Variants in HLA-DPA1 observed in about 807,000 individuals in gnomAD.
The protein encoded by HLA-DPA1 is major histocompatibility complex, class II, DP alpha 1, also known as HLA class II histocompatibility antigen, DP alpha 1 chain.
A neutral mutation model predicts 21.5 loss-of-function variants in HLA-DPA1; 20 were observed. The ratio of observed to expected loss-of-function variants is 0.93; its 90% CI spans 0.66 to 1.35. HLA-DPA1 has a LOEUF of 1.35. HLA-DPA1 is among the 40% of genes most tolerant of loss of function. The probability of loss-of-function intolerance (pLI) is 0.00; values close to 1 mark genes in which losing one functional copy is unlikely to be tolerated. For synonymous variants in HLA-DPA1, 123 were observed against 129.6 expected (o/e 0.95, Z 0.35); for missense variants, 279 against 323.0 (o/e 0.86, Z 1.05).
intron 1 of HLA-DPA1, among the ~76,000 whole-genome samples, chr6:33,079,254 T>C (rs1431403): frequency 0.37 from 55,818 of 152,158 alleles, 11,633 homozygotes; most frequent in East Asian, 0.69. Context: ...GGCCTGAAGA[T>C]ACTCAAACAG....
At position 33,080,519 on chromosome 6, in the gene HLA-DPA1, A is replaced by T; in HGVS notation, c.-100+161T>A. The stretch of plus-strand genomic sequence containing the variant: ...CCTGGAGAGGCTCTGCGACCCGCTT[A>T]GGACCACAGAACTCGGTACTAGGAA... On this transcript the variant is annotated intron_variant, in intron 1 of 5. Coordinates refer to ENST00000419277, the Ensembl canonical transcript of HLA-DPA1. This position sits in a 1 kb window ranked among gnomAD's most constrained non-coding sequence, Gnocchi z 4.3. The T allele has an allele frequency of 9.1e-7, 1 of 1,101,718 alleles. No homozygotes were observed. Among genetic ancestry groups the T allele is most frequent in the Non-Finnish European group, 1.4e-6 (1 of 737,562 alleles). 68.2% of individuals were successfully genotyped at this position (1,101,718 alleles called of 1,614,324 possible).
intron 1 of HLA-DPA1, among the ~76,000 whole-genome samples, chr6:33,078,644 T>C (rs1762679335): frequency 6.6e-6 from 1 of 152,100 alleles, no homozygotes; most frequent in Non-Finnish European, 1.5e-5. Flanking sequence ...AATGAAGGTT[T>C]CAAATTACAC....
At chr6:33,069,409 T>A in intron 3 of HLA-DPA1, 109 bp from the exon 3 acceptor site, 1 of 1,192,024 alleles carries the variant, frequency 8.4e-7, no homozygotes, top group Non-Finnish European at 1.2e-6. Context: ...TTATGGCAGC[T>A]CTGAATCACA....
chr6:33,075,681 C>T (rs963257003), intron 1 of HLA-DPA1, among the ~76,000 whole-genome samples: 1 of 152,074 alleles, frequency 6.6e-6, no homozygotes, highest in Non-Finnish European at 1.5e-5. Context: ...AATGATAATC[C>T]CTGTAGATGG....
chr6:33,078,062 C>T (rs2073523), intron 1 of HLA-DPA1, among the ~76,000 whole-genome samples: 16,911 of 151,920 alleles, frequency 0.11, 1,652 homozygotes, highest in East Asian at 0.58. Flanking sequence ...GGATGCAGCG[C>T]CCCCATCCCA....
intron 5 of HLA-DPA1, chr6:33,068,395 G>T: frequency 2.3e-6 from 1 of 433,894 alleles, no homozygotes; most frequent in Admixed American, 3.9e-5. Context: ...TCTCTCATGT[G>T]AAATAGTGAA....
At chr6:33,069,277 G>A (rs764514281) in exon 4 of HLA-DPA1, 29 of 1,612,804 alleles carry the variant, frequency 1.8e-5, no homozygotes, top group Non-Finnish European at 2.4e-5. Context: ...GGCTCCTTGG[G>A]AAACACGGTC....
chr6:33,070,367 C>A (rs67408707), intron 2 of HLA-DPA1, among the ~76,000 whole-genome samples: 1 of 151,792 alleles, frequency 6.6e-6, no homozygotes, highest in African/African-American at 2.4e-5. Flanking sequence ...CGGCTACTGG[C>A]GGAACTAGTA....
Position 33,066,688 on chromosome 6 carries a change from A to G in HLA-DPA1, c.*13-1341T>C, listed in dbSNP as rs1179700057. 3.3e-5 allele frequency: 5 copies of G among 152,350 alleles called. No individual in the cohort carries two copies. In the East Asian group the frequency reaches 9.6e-4, roughly 29 times the overall value. The allele number at this position is 152,350 out of a possible 1,614,324, so 9.4% of individuals were successfully genotyped here. ...CTAAAACTGACAAGGGACTACTAGC[A>G]GGACTATATAAGGATCACCTGCAAA... On this transcript the variant is annotated intron_variant, in intron 5 of 5. Transcript: ENST00000419277.
intron 5 of HLA-DPA1, chr6:33,068,041 G>A (rs1369408057): frequency 6.6e-6 from 1 of 152,196 alleles, no homozygotes; most frequent in Non-Finnish European, 1.5e-5. Context: ...TATAAAGCAT[G>A]GTGAGTGTTA....
intron 2 of HLA-DPA1, 132 bp downstream of exon 1, chr6:33,073,339 G>T: frequency 1.5e-6 from 1 of 657,426 alleles, no homozygotes; most frequent in Non-Finnish European, 2.7e-6. Flanking sequence ...TATTATGAGG[G>T]CCAGAGGGAA....
At position 33,080,231 on chromosome 6, in the gene HLA-DPA1, T is replaced by A. The variant is rs1762763085; in HGVS notation, c.-100+449A>T. 6.6e-6 allele frequency among the ~76,000 whole-genome samples: 1 copy of A among 151,572 alleles called. No individual in the cohort carries two copies. The highest frequency in any genetic ancestry group is 2.1e-4 in the South Asian group (1 of 4,802). ...GGAAGGGAGGGCTTCCTGGAGGAGG[T>A]GGCATTTGAACCAGGACTGACATCA... On this transcript the variant is annotated intron_variant, in intron 1 of 5. Transcript: ENST00000419277. This position sits in a 1 kb window ranked among gnomAD's most constrained non-coding sequence, Gnocchi z 4.3.
Position 33,068,631 on chromosome 6 carries a change from T to G in HLA-DPA1, c.*12+7A>C. 6.3e-7 allele frequency: 1 copy of G among 1,599,530 alleles called. No individual in the cohort carries two copies. The highest frequency in any genetic ancestry group is 8.5e-7 in the Non-Finnish European group (1 of 1,172,674). ...CAAATCCTAGGGCCTCCTCTTTACA[T>G]TCCCACCTTTACAGTATTTCACAGG... On this transcript the variant is annotated splice_region_variant and intron_variant, in intron 5 of 5. Transcript: ENST00000419277.
Position 33,069,306 on chromosome 6 carries a change from A to G in HLA-DPA1, c.347-6T>C. 4 of 1,609,834 alleles carry G rather than the reference A, an allele frequency of 2.5e-6. No homozygotes were observed. Among genetic ancestry groups the G allele is most frequent in the Non-Finnish European group, 3.4e-6 (4 of 1,178,304 alleles). Reference sequence around the variant, plus strand: ...CACGGTCACCTCAGGGGGATCTGGAAGGAGACAGCACCAGGTTAGGCCCCT... The same window carrying G: ...CACGGTCACCTCAGGGGGATCTGGAGGGAGACAGCACCAGGTTAGGCCCCT... On this transcript the variant is annotated splice_region_variant and splice_polypyrimidine_tract_variant and intron_variant, in intron 3 of 5. Transcript: ENST00000419277.
intron 2 of HLA-DPA1, 119 bp from the exon 2 acceptor site, chr6:33,070,005 G>A: frequency 2.3e-6 from 2 of 873,580 alleles, no homozygotes; most frequent in Admixed American, 2.3e-5. Context: ...AGAGGTCAAA[G>A]GAAGGACATA....
upstream of HLA-DPA1, chr6:33,080,716 G>A (rs1762799257): frequency 6.2e-7 from 1 of 1,613,458 alleles, no homozygotes. This position sits in a 1 kb window ranked among gnomAD's most constrained non-coding sequence, Gnocchi z 4.3. Context: ...CGCGTTTAAT[G>A]GGACACAGCG....
chr6:33,072,160 G>A (rs976045369), intron 2 of HLA-DPA1, among the ~76,000 whole-genome samples: 1 of 152,204 alleles, frequency 6.6e-6, no homozygotes, highest in Non-Finnish European at 1.5e-5. Context: ...TAGTGCAAAT[G>A]TTATTAGTAA....
intron 1 of HLA-DPA1, among the ~76,000 whole-genome samples, chr6:33,078,461 G>A (rs555689479): frequency 6.6e-6 from 1 of 152,162 alleles, no homozygotes; most frequent in Non-Finnish European, 1.5e-5. Flanking sequence ...GCTTAAAGAG[G>A]CTGGGGGAGA....
intron 5 of HLA-DPA1, chr6:33,068,111 G>A (rs1160574035): frequency 6.6e-6 from 1 of 152,252 alleles, no homozygotes; most frequent in Non-Finnish European, 1.5e-5. Context: ...CATTGCCATG[G>A]AATGAGTCCA....
Sources: allele counts gnomAD v4.1 joint callset (sites outside exome capture counted in the v4.1 genomes callset), GRCh38; gene constraint gnomAD v4.1.1; non-coding constraint Gnocchi (gnomAD v3.1); transcripts MANE v1.5; gene names NCBI Gene and HGNC (gene_info 2026-07-23, HGNC 2026-07-21).